The following NDST4 variants were observed in gnomAD, a reference collection of about 807,000 sequenced individuals.
NDST4 encodes the protein N-deacetylase and N-sulfotransferase 4.
NDST4 carries 63 observed loss-of-function variants against 100.8 expected under a neutral mutation model. The ratio of observed to expected loss-of-function variants is 0.62; its 90% CI spans 0.51 to 0.77. The LOEUF (loss-of-function observed/expected upper bound fraction) is 0.77. NDST4 is among the 30% of genes least tolerant of loss of function. The pLI is 0.00. For synonymous variants in NDST4, 377 were observed against 361.8 expected, an observed-to-expected ratio of 1.04 and a Z score of -0.48; for missense variants, 943 against 1,018.4, an observed-to-expected ratio of 0.93 and a Z score of 1.01.
At position 115,054,296 on chromosome 4, in the gene NDST4, G is replaced by A. The variant is rs1295632780; in HGVS notation, c.978+21763C>T. Among the ~76,000 whole-genome samples, 3 of 152,000 alleles carry A rather than the reference G, an allele frequency of 2.0e-5. No individual in the cohort carries two copies. In the East Asian group the frequency reaches 5.8e-4, roughly 29 times the overall value. On this transcript the variant is annotated intron_variant, in intron 2 of 13. Coordinates refer to ENST00000264363, the MANE Select transcript of NDST4 (RefSeq NM_022569.3). ...CACTGGAGGGAGTTCTTGCATATCA[G>A]TTTAACTAAATAAGGAAGAACTATT...
At chr4:115,039,310 A>C (rs150073051) in intron 2 of NDST4, among the ~76,000 whole-genome samples, 1 of 152,152 alleles carries the variant, frequency 6.6e-6, no homozygotes, top group East Asian at 1.9e-4. Flanking sequence ...TGCTAGAGCT[A>C]GAAAGGTTTT....
At chr4:114,973,991 G>T (rs1347065118) in intron 3 of NDST4, among the ~76,000 whole-genome samples, 1 of 151,750 alleles carries the variant, frequency 6.6e-6, no homozygotes, top group Non-Finnish European at 1.5e-5. Context: ...TTAGAAAATA[G>T]TGCCATATGA....
chr4:114,878,071 A>G (rs1256081151), intron 6 of NDST4, among the ~76,000 whole-genome samples: 3 of 151,896 alleles, frequency 2.0e-5, no homozygotes, highest in African/African-American at 7.3e-5. Context: ...AGAAACAAAG[A>G]AAAGCTCCAG....
chr4:114,942,335 G>C (rs770474627), intron 4 of NDST4, among the ~76,000 whole-genome samples: 36 of 152,078 alleles, frequency 2.4e-4, no homozygotes, highest in Non-Finnish European at 3.5e-4. Context: ...GTGGAAATCA[G>C]ATAGAAGTGT....
intron 4 of NDST4, among the ~76,000 whole-genome samples, chr4:114,956,156 C>T (rs986106970): frequency 6.6e-6 from 1 of 152,058 alleles, no homozygotes. Context: ...GAAAGGAAAT[C>T]GGAGAGTAAT....
chr4:115,046,071 C>T (rs754390530), intron 2 of NDST4, among the ~76,000 whole-genome samples: 2 of 152,112 alleles, frequency 1.3e-5, no homozygotes, highest in South Asian at 2.1e-4. Flanking sequence ...CAAACAGGAG[C>T]GTTATTGCCC....
intron 6 of NDST4, among the ~76,000 whole-genome samples, chr4:114,919,403 T>G (rs1015638571): frequency 6.6e-6 from 1 of 152,180 alleles, no homozygotes; most frequent in African/African-American, 2.4e-5. Flanking sequence ...AACCCTTCTC[T>G]GAGGAGATAA....
intron 2 of NDST4, among the ~76,000 whole-genome samples, chr4:115,049,203 A>G (rs1379775708): frequency 6.6e-6 from 1 of 152,078 alleles, no homozygotes; most frequent in Non-Finnish European, 1.5e-5. Context: ...CAGAGATGAT[A>G]AACCTTCAGC....
intron 2 of NDST4, among the ~76,000 whole-genome samples, chr4:115,071,526 C>T (rs895504723): frequency 1.3e-5 from 2 of 152,050 alleles, no homozygotes; most frequent in African/African-American, 4.8e-5. Context: ...ATAGGGATGA[C>T]ATTTGAATTT....
chr4:114,988,685 C>T (rs1277092975), intron 2 of NDST4, among the ~76,000 whole-genome samples: 2 of 151,940 alleles, frequency 1.3e-5, no homozygotes, highest in Non-Finnish European at 2.9e-5. Flanking sequence ...AATGTGTACC[C>T]CCAAAACCAC....
intron 2 of NDST4, among the ~76,000 whole-genome samples, chr4:114,985,147 G>C (rs1726871267): frequency 6.6e-6 from 1 of 152,134 alleles, no homozygotes; most frequent in Admixed American, 6.5e-5. Context: ...GAGAAAGTTT[G>C]AACTGTAGGG....
At chr4:114,889,545 C>CATATTT (rs1337452126) in intron 6 of NDST4, among the ~76,000 whole-genome samples, 1 of 152,006 alleles carries the variant, frequency 6.6e-6, no homozygotes, top group Non-Finnish European at 1.5e-5. Context: ...GAGGTTAAGC[C>CATATTT]ATATTTGGAA....
rs758308066 is a variant in NDST4 at position 115,068,357 on chromosome 4, G to A, written c.978+7702C>T. 2.8e-4 allele frequency among the ~76,000 whole-genome samples: 43 copies of A among 152,140 alleles called. No homozygotes were observed. The East Asian group carries it at 4.4e-3, about 16-fold the overall frequency. On this transcript the variant is annotated intron_variant, in intron 2 of 13. Transcript: ENST00000264363. ...GGTTCATATCCATTGAAAACACTAC[G>A]TAGGAAGGAAAATCAAACCAAATAG...
At chr4:114,837,208 G>T (rs1723323471) in intron 11 of NDST4, among the ~76,000 whole-genome samples, 2 of 151,976 alleles carry the variant, frequency 1.3e-5, no homozygotes, top group African/African-American at 4.8e-5. Context: ...TCTGGTTTTT[G>T]AAATTTTCAT....
In NDST4 at chr4:114,845,988, G is replaced by C. The variant is rs1467072946; in HGVS notation, c.1950C>G (p.Asp650Glu). The C allele has an allele frequency of 1.9e-6, 3 of 1,599,930 alleles. No homozygotes were observed. Among genetic ancestry groups the C allele is most frequent in the Non-Finnish European group, 8.6e-7 (1 of 1,169,066 alleles). The change falls in exon 10 of 14, where the codon GAC (aspartate) becomes GAG (glutamate). Residue 650 changes from aspartate (D) to glutamate (E), a missense_variant. Around this residue, in one of 2 missense-constraint regions of NDST4, gnomAD observed 526 missense variants for 634.1 expected, o/e 0.83. Transcript: ENST00000264363. ...TAGTATTGGATGGTGTAGGGAAAAA[G>C]TCCATATACCTGAAGGCAGAGAAAG... ...NYHKGIDWYM[D>E]FFPTPSNTTS... is the part of the protein sequence containing the mutation.
intron 11 of NDST4, among the ~76,000 whole-genome samples, chr4:114,836,672 G>A (rs372968837): frequency 2.0e-5 from 3 of 152,134 alleles, no homozygotes; most frequent in African/African-American, 4.8e-5. Context: ...TGTCTTGCTA[G>A]GTAGGGGAAG....
At chr4:114,840,615 C>T (rs546390390) in intron 10 of NDST4, among the ~76,000 whole-genome samples, 2 of 152,198 alleles carry the variant, frequency 1.3e-5, no homozygotes, top group East Asian at 3.9e-4. Flanking sequence ...AAAAACAAAA[C>T]CACCAAACAC....
At chr4:114,839,101 C>A (rs1217051252) in intron 11 of NDST4, among the ~76,000 whole-genome samples, 1 of 152,082 alleles carries the variant, frequency 6.6e-6, no homozygotes, top group Non-Finnish European at 1.5e-5. Context: ...AAACTAGCTA[C>A]TGTTCAAAAG....
At chr4:114,993,057 C>T (rs1727075482) in intron 2 of NDST4, among the ~76,000 whole-genome samples, 1 of 151,822 alleles carries the variant, frequency 6.6e-6, no homozygotes, top group African/African-American at 2.4e-5. Context: ...ATCTTTCTAA[C>T]TTAGTTTCAT....
Sources: gnomAD v4.1 joint callset for allele counts (sites outside exome capture counted in the v4.1 genomes callset) on GRCh38, gnomAD v4.1.1 for gene constraint, gnomAD v4.1.1 regional missense constraint, MANE v1.5 for transcripts, NCBI Gene and HGNC (gene_info 2026-07-23, HGNC 2026-07-21) for gene names.